CCR9: variants seen among roughly 807,000 people sequenced by gnomAD.
CCR9 encodes the protein C-C chemokine receptor type 9.
Under a neutral mutation model 8.7 loss-of-function variants are expected in CCR9, and 4 were observed. The observed-to-expected ratio is 0.46, with a 90% CI of 0.23 to 1.06. CCR9 has a LOEUF of 1.06. CCR9 is among the 50% of genes least tolerant of loss of function. The probability of loss-of-function intolerance (pLI) is 0.21; values close to 1 mark genes in which losing one functional copy is unlikely to be tolerated. For missense variants in CCR9, 394 were observed against 453.6 expected (o/e 0.87, Z 1.19); for synonymous variants, 159 against 168.8 (o/e 0.94, Z 0.45).
At chr3:45,887,941 T>A (rs867374403) in intron 1 of CCR9, among the ~76,000 whole-genome samples, 4 of 152,228 alleles carry the variant, frequency 2.6e-5, no homozygotes, top group Admixed American at 6.5e-5. Context: ...AAGTTCAAAG[T>A]AAGGACCTGC....
chr3:45,893,894 T>C (rs1482951809), intron 1 of CCR9, among the ~76,000 whole-genome samples: 1 of 152,204 alleles, frequency 6.6e-6, no homozygotes, highest in Non-Finnish European at 1.5e-5. Flanking sequence ...TACCACACAT[T>C]ATGCATTGGA....
chr3:45,890,912 T>G (rs1056883391), intron 1 of CCR9, among the ~76,000 whole-genome samples: 1 of 152,196 alleles, frequency 6.6e-6, no homozygotes, highest in Non-Finnish European at 1.5e-5. Flanking sequence ...ATGTTCATAA[T>G]CCGTTAGGTG....
At chr3:45,887,768 C>A (rs1026742093) in intron 1 of CCR9, among the ~76,000 whole-genome samples, 1 of 152,274 alleles carries the variant, frequency 6.6e-6, no homozygotes, top group African/African-American at 2.4e-5. Flanking sequence ...AGCCCCTGGG[C>A]CCTGTGCAGC....
In CCR9 at chr3:45,901,055, T is replaced by C. The variant is rs1364413792; in HGVS notation, c.267T>C (p.Asn89=). 5 of 1,614,074 alleles carry C rather than the reference T, an allele frequency of 3.1e-6. No individual in the cohort carries two copies. The Admixed American group carries it at 5.0e-5, about 16-fold the overall frequency. ...CCATGACCGACATGTTCCTTTTGAA[T>C]TTGGCAATTGCTGACCTCCTCTTTC... ...VKTMTDMFLL[N]LAIADLLFLV... Residue 89 remains asparagine (N), a synonymous_variant, in exon 3 of 3, where the codon AAT becomes AAC. Coordinates refer to ENST00000357632, the MANE Select transcript of CCR9 (RefSeq NM_031200.3). The surrounding 1 kb of genome is among the most constrained non-coding windows in gnomAD (Gnocchi z 4.3).
At chr3:45,890,394 T>A (rs1702141269) in intron 1 of CCR9, among the ~76,000 whole-genome samples, 1 of 81,738 alleles carries the variant, frequency 1.2e-5, no homozygotes, top group Non-Finnish European at 2.6e-5. Flanking sequence ...CTAATTGATA[T>A]CTCAAAAATC....
chr3:45,899,060 G>A (rs1262289197), intron 2 of CCR9, among the ~76,000 whole-genome samples: 1 of 152,222 alleles, frequency 6.6e-6, no homozygotes, highest in African/African-American at 2.4e-5. Flanking sequence ...CAGCTACTCA[G>A]GAGGCTGAGG....
At chr3:45,893,402 A>T (rs1702252885) in intron 1 of CCR9, among the ~76,000 whole-genome samples, 1 of 151,990 alleles carries the variant, frequency 6.6e-6, no homozygotes, top group Non-Finnish European at 1.5e-5. Context: ...TGATCTACCC[A>T]CCTTGGCCTC....
At position 45,900,965 on chromosome 3, in the gene CCR9, C is replaced by T. The variant is rs1193129483; in HGVS notation, c.177C>T (p.Phe59=). The change falls in exon 3 of 3, where the codon TTC becomes TTT. Residue 59 remains phenylalanine (F), a synonymous_variant. Transcript: ENST00000357632. The surrounding 1 kb of genome is among the most constrained non-coding windows in gnomAD (Gnocchi z 4.7). ...TCCCACCCTTGTACTGGCTCGTGTT[C>T]ATCGTGGGTGCCTTGGGCAACAGTC... is the stretch of plus-strand genomic sequence containing the variant. ...HFLPPLYWLV[F]IVGALGNSLV... is the part of the protein sequence containing the mutation. 2 of 1,614,070 alleles carry T rather than the reference C, an allele frequency of 1.2e-6. No individual in the cohort carries two copies. The highest frequency in any genetic ancestry group is 1.3e-5 in the African/African-American group (1 of 74,914).
intron 1 of CCR9, among the ~76,000 whole-genome samples, chr3:45,890,349 AC>A (rs1339917182): frequency 3.1e-3 from 9 of 2,908 alleles, no homozygotes; most frequent in African/African-American, 9.4e-3. Context: ...TATATATATA[AC>A]ATATATATAT....
At chr3:45,887,875 G>A (rs915934414) in intron 1 of CCR9, among the ~76,000 whole-genome samples, 1 of 151,416 alleles carries the variant, frequency 6.6e-6, no homozygotes, top group South Asian at 2.1e-4. Context: ...GGAACAAAAA[G>A]CAGAGCTATG....
chr3:45,892,232 A>G (rs549243174), intron 1 of CCR9, among the ~76,000 whole-genome samples: 2 of 152,354 alleles, frequency 1.3e-5, no homozygotes, highest in East Asian at 3.9e-4. Flanking sequence ...TAATCTTAAA[A>G]ACATATGGGT....
intron 1 of CCR9, among the ~76,000 whole-genome samples, 173 bp from the exon 2 acceptor site, chr3:45,894,733 G>C (rs1441513998): frequency 6.6e-6 from 1 of 152,142 alleles, no homozygotes; most frequent in African/African-American, 2.4e-5. Context: ...TTTCTGTGTG[G>C]ACTACTCAGA....
At chr3:45,889,965 T>C (rs1702097586) in intron 1 of CCR9, among the ~76,000 whole-genome samples, 1 of 151,018 alleles carries the variant, frequency 6.6e-6, no homozygotes, top group South Asian at 2.1e-4. Context: ...CGCTGCAGAG[T>C]CAGAGATGTT....
At chr3:45,890,306 T>TATATATATAAATATATATAAC (rs1553616524) in intron 1 of CCR9, among the ~76,000 whole-genome samples, 1 of 15,468 alleles carries the variant, frequency 6.5e-5, no homozygotes, top group African/African-American at 5.6e-4. Flanking sequence ...ATATATAACA[T>TATATATATAAATATATATAAC]ATATATATAT....
intron 1 of CCR9, among the ~76,000 whole-genome samples, chr3:45,891,852 C>T (rs57527954): frequency 2.6e-5 from 4 of 151,872 alleles, no homozygotes; most frequent in Admixed American, 6.6e-5. Context: ...CTTCATTTTG[C>T]GTTTTTCTGA....
At chr3:45,888,692 TC>T (rs1185375023) in intron 1 of CCR9, among the ~76,000 whole-genome samples, 1 of 152,098 alleles carries the variant, frequency 6.6e-6, no homozygotes, top group South Asian at 2.1e-4. Context: ...TGTGGGATTT[TC>T]CCCCCTATAT....
chr3:45,893,949 T>C (rs1217505732), intron 1 of CCR9, among the ~76,000 whole-genome samples: 1 of 152,168 alleles, frequency 6.6e-6, no homozygotes, highest in Non-Finnish European at 1.5e-5. Flanking sequence ...ATGATGTTGT[T>C]ATGGAAAGGA....
At chr3:45,889,327 C>T (rs557741192) in intron 1 of CCR9, among the ~76,000 whole-genome samples, 2 of 152,114 alleles carry the variant, frequency 1.3e-5, no homozygotes, top group South Asian at 2.1e-4. Context: ...AAAGAGAAAC[C>T]TTTATAGAAA....
intron 2 of CCR9, among the ~76,000 whole-genome samples, chr3:45,895,484 G>A (rs1296650121): frequency 1.3e-5 from 2 of 152,212 alleles, no homozygotes; most frequent in African/African-American, 4.8e-5. Context: ...GCAGAGGCGG[G>A]CGGATCACCT....
Sources: allele counts gnomAD v4.1 joint callset (sites outside exome capture counted in the v4.1 genomes callset), GRCh38; gene constraint gnomAD v4.1.1; non-coding constraint Gnocchi (gnomAD v3.1); transcripts MANE v1.5; gene names NCBI Gene and HGNC (gene_info 2026-07-23, HGNC 2026-07-21).